ZCCHC7: variants seen among roughly 807,000 people sequenced by gnomAD.
ZCCHC7 encodes zinc finger CCHC-type containing 7.
ZCCHC7 carries 35 observed loss-of-function variants against 52.0 expected under a neutral mutation model. That is an observed-to-expected ratio of 0.67 (90% CI 0.51 to 0.89). The LOEUF (loss-of-function observed/expected upper bound fraction) is 0.89. ZCCHC7 is among the 40% of genes least tolerant of loss of function. The pLI is 0.00. For synonymous variants in ZCCHC7, 217 were observed against 221.5 expected, an observed-to-expected ratio of 0.98 and a Z score of 0.18; for missense variants, 574 against 649.1, an observed-to-expected ratio of 0.88 and a Z score of 1.26.
At chr9:37,241,827 C>G (rs1825886060) in intron 2 of ZCCHC7, among the ~76,000 whole-genome samples, 1 of 151,714 alleles carries the variant, frequency 6.6e-6, no homozygotes, top group South Asian at 2.1e-4. Context: ...TCTAACCCCC[C>G]AAATAACTCC....
At chr9:37,158,564 C>T (rs547191030) in intron 2 of ZCCHC7, among the ~76,000 whole-genome samples, 1 of 152,248 alleles carries the variant, frequency 6.6e-6, no homozygotes, top group South Asian at 2.1e-4. Context: ...ACATTTCCCC[C>T]TTGAGATTTT....
At chr9:37,252,466 G>C (rs765871380) in intron 2 of ZCCHC7, among the ~76,000 whole-genome samples, 14 of 152,118 alleles carry the variant, frequency 9.2e-5, no homozygotes, top group Admixed American at 2.6e-4. Context: ...TAATATGCCA[G>C]TTTTGGAATT....
chr9:37,202,452 T>G (rs1823683184), intron 2 of ZCCHC7, among the ~76,000 whole-genome samples: 3 of 152,244 alleles, frequency 2.0e-5, no homozygotes, highest in Non-Finnish European at 2.9e-5. Flanking sequence ...GCACATTACT[T>G]TTAACCTTAA....
chr9:37,235,141 A>G (rs932903806), intron 2 of ZCCHC7, among the ~76,000 whole-genome samples: 1 of 152,208 alleles, frequency 6.6e-6, no homozygotes, highest in Non-Finnish European at 1.5e-5. Flanking sequence ...TGTGAAAAAT[A>G]TACAATGTAG....
At position 37,341,612 on chromosome 9, in the gene ZCCHC7, G is replaced by T. The variant is rs75968257; in HGVS notation, c.988-7745G>T. On this transcript the variant is annotated intron_variant, in intron 6 of 8. Transcript: ENST00000336755. Reference sequence around the variant, plus strand: ...TAAGTGCCATGTTGAGTTTTGTTTGGTTGGTTGGTTGGTTGGTTGGTCTTT... The same window carrying T: ...TAAGTGCCATGTTGAGTTTTGTTTGTTTGGTTGGTTGGTTGGTTGGTCTTT... 1.5e-3 allele frequency among the ~76,000 whole-genome samples: 221 copies of T among 152,124 alleles called. 2 individuals carry two copies. Among genetic ancestry groups the T allele is most frequent in the East Asian group, 7.5e-3 (39 of 5,178 alleles).
intron 2 of ZCCHC7, among the ~76,000 whole-genome samples, chr9:37,220,307 G>A (rs547442212): frequency 1.1e-4 from 17 of 152,228 alleles, no homozygotes; most frequent in Admixed American, 4.6e-4. Flanking sequence ...TTGGGAGGCC[G>A]AGGCGGGCAG....
chr9:37,339,713 T>C (rs1441554895), intron 6 of ZCCHC7, among the ~76,000 whole-genome samples: 3 of 152,208 alleles, frequency 2.0e-5, no homozygotes, highest in African/African-American at 7.2e-5. Context: ...ATATGTCATA[T>C]AGCAAACTGG....
At chr9:37,302,530 G>T (rs1321976941) in intron 3 of ZCCHC7, among the ~76,000 whole-genome samples, 1 of 152,172 alleles carries the variant, frequency 6.6e-6, no homozygotes, top group African/African-American at 2.4e-5. Context: ...CTTCTTCAGT[G>T]TAAGGAAATG....
chr9:37,217,404 A>G (rs1345591788), intron 2 of ZCCHC7, among the ~76,000 whole-genome samples: 1 of 152,176 alleles, frequency 6.6e-6, no homozygotes, highest in Non-Finnish European at 1.5e-5. Context: ...TGTAAAAATT[A>G]TAAAAACTTT....
intron 2 of ZCCHC7, among the ~76,000 whole-genome samples, chr9:37,286,124 A>G (rs1001018756): frequency 6.6e-6 from 1 of 152,210 alleles, no homozygotes; most frequent in Non-Finnish European, 1.5e-5. Flanking sequence ...AGTACCAGTA[A>G]TTTTATTATT....
chr9:37,149,675 C>T (rs936259455), intron 2 of ZCCHC7, among the ~76,000 whole-genome samples: 18 of 152,132 alleles, frequency 1.2e-4, no homozygotes, highest in African/African-American at 3.6e-4. Flanking sequence ...TATAGTGTTT[C>T]GCATGTAATA....
At chr9:37,355,243 C>T (rs1821625310) in intron 8 of ZCCHC7, among the ~76,000 whole-genome samples, 1 of 152,092 alleles carries the variant, frequency 6.6e-6, no homozygotes, top group Non-Finnish European at 1.5e-5. Context: ...TGTTAGAGGC[C>T]ACCGCTGCAA....
In ZCCHC7 at chr9:37,267,244, T is replaced by A. The variant is rs995273236; in HGVS notation, c.611-34944T>A. Among the ~76,000 whole-genome samples, 11 of 152,310 alleles carry A rather than the reference T, an allele frequency of 7.2e-5. No individual in the cohort carries two copies. The East Asian group carries it at 2.1e-3, about 29-fold the overall frequency. ...GAACTAAGGATTAAGGTGAGATGAATCTTCTTAGTTTACTAGCCAAAACAG... is the reference window on the plus strand; with the variant it reads ...GAACTAAGGATTAAGGTGAGATGAAACTTCTTAGTTTACTAGCCAAAACAG... On this transcript the variant is annotated intron_variant, in intron 2 of 8. Transcript: ENST00000336755.
intron 2 of ZCCHC7, among the ~76,000 whole-genome samples, chr9:37,189,868 C>T (rs1822926956): frequency 6.6e-6 from 1 of 152,184 alleles, no homozygotes; most frequent in Non-Finnish European, 1.5e-5. Context: ...TTGTCTACTC[C>T]ATAGTTTAGC....
intron 2 of ZCCHC7, among the ~76,000 whole-genome samples, chr9:37,262,556 A>G (rs1488711554): frequency 1.3e-5 from 2 of 152,166 alleles, no homozygotes; most frequent in Non-Finnish European, 2.9e-5. Flanking sequence ...AAAGAAAGGG[A>G]TTCGCGTCTT....
chr9:37,252,767 T>C (rs963700165), intron 2 of ZCCHC7, among the ~76,000 whole-genome samples: 8 of 152,170 alleles, frequency 5.3e-5, no homozygotes, highest in Non-Finnish European at 2.9e-5. Context: ...TGAGAGAACA[T>C]TAAGTGAGGA....
At chr9:37,202,565 T>G (rs1440920920) in intron 2 of ZCCHC7, among the ~76,000 whole-genome samples, 1 of 152,180 alleles carries the variant, frequency 6.6e-6, no homozygotes, top group African/African-American at 2.4e-5. Flanking sequence ...TACTGTAACC[T>G]CCACCTCTTG....
intron 2 of ZCCHC7, among the ~76,000 whole-genome samples, chr9:37,275,067 G>T (rs1280334778): frequency 6.6e-6 from 1 of 152,146 alleles, no homozygotes; most frequent in African/African-American, 2.4e-5. Context: ...TTTCTAGCAT[G>T]TTCTTCTCAA....
At chr9:37,262,458 T>C (rs973027100) in intron 2 of ZCCHC7, among the ~76,000 whole-genome samples, 2 of 152,198 alleles carry the variant, frequency 1.3e-5, no homozygotes, top group Non-Finnish European at 2.9e-5. Context: ...ACTATTATAC[T>C]TCATGTGTGG....
Sources: allele counts gnomAD v4.1 joint callset (sites outside exome capture counted in the v4.1 genomes callset), GRCh38; gene constraint gnomAD v4.1.1; transcripts MANE v1.5; gene names NCBI Gene and HGNC (gene_info 2026-07-23, HGNC 2026-07-21).